Variants in AFDN observed in about 807,000 individuals in gnomAD.
AFDN encodes afadin.
Under a neutral mutation model 216.6 loss-of-function variants are expected in AFDN, and 68 were observed. That is an observed-to-expected ratio of 0.31 (90% CI 0.26 to 0.38). The LOEUF (loss-of-function observed/expected upper bound fraction) is 0.38, where lower values mean the gene tolerates loss of function less well. Among genes scored for constraint, AFDN ranks in the 10% least tolerant of loss-of-function variants. AFDN has a pLI of 1.00. For synonymous variants in AFDN, 868 were observed against 853.7 expected (o/e 1.02, Z -0.29); for missense variants, 2,136 against 2,342.0 (o/e 0.91, Z 1.82).
At chr6:167,934,484 TAG>T (rs1793730581) in intron 23 of AFDN, among the ~76,000 whole-genome samples, 1 of 152,180 alleles carries the variant, frequency 6.6e-6, no homozygotes, top group Non-Finnish European at 1.5e-5. Flanking sequence ...CTTATCTGAC[TAG>T]AAGTAAAGCA....
Position 167,951,491 on chromosome 6 carries a change from A to G in AFDN, c.4137A>G (p.Pro1379=), listed in dbSNP as rs777581695. 11 of 1,613,856 alleles carry G rather than the reference A, an allele frequency of 6.8e-6. No homozygotes were observed. In the Admixed American group the frequency reaches 1.7e-4, roughly 24 times the overall value. ...TDLPPPPPPP[P]VHYAGDFDGM... ...TGCCTCCGCCACCCCCGCCACCTCC[A>G]GTCCACTATGCCGGTGATTTCGATG... is the stretch of plus-strand genomic sequence containing the variant. Residue 1379 remains proline (P), a synonymous_variant, in exon 30 of 34, where the codon CCA becomes CCG. Transcript: ENST00000683244. This position sits in a 1 kb window ranked among gnomAD's most constrained non-coding sequence, Gnocchi z 7.1.
chr6:167,924,388 G>T (rs1367719807), intron 22 of AFDN, among the ~76,000 whole-genome samples: 1 of 152,162 alleles, frequency 6.6e-6, no homozygotes, highest in Non-Finnish European at 1.5e-5. Context: ...TCTGTCAGGA[G>T]CTGTCTTGCC....
intron 32 of AFDN, 31 bp from the exon 33 acceptor site, chr6:167,969,083 T>A: frequency 6.5e-7 from 1 of 1,531,992 alleles, no homozygotes; most frequent in Non-Finnish European, 9.0e-7. Flanking sequence ...AATCAGGTAC[T>A]TTAACTTGTA....
At chr6:167,890,326 T>G (rs1787405711) in intron 7 of AFDN, among the ~76,000 whole-genome samples, 2 of 152,224 alleles carry the variant, frequency 1.3e-5, no homozygotes, top group Admixed American at 1.3e-4. Flanking sequence ...TTAATAAAAA[T>G]CAGGTCAACT....
At chr6:167,939,984 A>G (rs953719516) in intron 23 of AFDN, among the ~76,000 whole-genome samples, 7 of 152,260 alleles carry the variant, frequency 4.6e-5, no homozygotes, top group Non-Finnish European at 8.8e-5. Flanking sequence ...TTTTAAATTT[A>G]TAAAAAGCTC....
At chr6:167,899,892 A>G (rs1788730998) in intron 11 of AFDN, among the ~76,000 whole-genome samples, 1 of 152,196 alleles carries the variant, frequency 6.6e-6, no homozygotes, top group Admixed American at 6.5e-5. Flanking sequence ...TATAAACACA[A>G]TTCTAGTAGC....
At chr6:167,856,209 G>A (rs1432613884) in intron 1 of AFDN, among the ~76,000 whole-genome samples, 1 of 152,152 alleles carries the variant, frequency 6.6e-6, no homozygotes, top group Non-Finnish European at 1.5e-5. Context: ...AAATGCAAGA[G>A]GGGTGATGCT....
chr6:167,946,821 A>C lies in AFDN; in HGVS notation c.3473A>C (p.Tyr1158Ser). ...AGTCCTCAGCTGCCTTGGGCAGAAT[A>C]TAGTGAACCAAAGAAATTGCCTGGT... ...PESPQLPWAE[Y>S]SEPKKLPGDD... The change falls in exon 27 of 34, where the codon TAT (tyrosine) becomes TCT (serine). Residue 1158 changes from tyrosine to serine, a missense_variant. Physicochemically the swap from Tyr to Ser is moderately radical, Grantham distance 144 (BLOSUM62 -2). Around this residue, in one of 8 missense-constraint regions of AFDN, gnomAD observed 981 missense variants for 966.0 expected, o/e 1.02. Transcript: ENST00000683244. 1 of 1,613,230 alleles carries C rather than the reference A, an allele frequency of 6.2e-7. No individual in the cohort carries two copies. The highest frequency in any genetic ancestry group is 8.5e-7 in the Non-Finnish European group (1 of 1,179,806).
At chr6:167,890,366 T>C (rs149979614) in intron 7 of AFDN, among the ~76,000 whole-genome samples, 3,361 of 152,308 alleles carry the variant, frequency 0.022, 59 homozygotes, top group Non-Finnish European at 0.033. Context: ...TTGTTAGTAA[T>C]AGAATTGTTG....
chr6:167,895,402 T>C (rs1048763221), intron 9 of AFDN, among the ~76,000 whole-genome samples: 4 of 152,208 alleles, frequency 2.6e-5, no homozygotes, highest in Admixed American at 6.5e-5. Context: ...TTTGATGTCT[T>C]GTTCAGATCA....
intron 6 of AFDN, among the ~76,000 whole-genome samples, chr6:167,888,463 T>C (rs1185214180): frequency 2.0e-5 from 3 of 152,222 alleles, no homozygotes; most frequent in Non-Finnish European, 4.4e-5. Flanking sequence ...GTTAGCAGTG[T>C]GTTAGAGTGA....
intron 2 of AFDN, among the ~76,000 whole-genome samples, chr6:167,868,219 T>C (rs1186718528): frequency 1.3e-5 from 2 of 152,140 alleles, no homozygotes; most frequent in African/African-American, 4.8e-5. Context: ...AGAGATAGTA[T>C]CTGTAAAAGG....
chr6:167,844,669 A>G (rs1425111303), intron 1 of AFDN, among the ~76,000 whole-genome samples: 2 of 152,110 alleles, frequency 1.3e-5, no homozygotes, highest in African/African-American at 4.8e-5. Flanking sequence ...CTACCAAGTT[A>G]TTATTCAAAA....
chr6:167,883,591 T>A (rs747444109), intron 6 of AFDN, among the ~76,000 whole-genome samples: 5 of 152,212 alleles, frequency 3.3e-5, no homozygotes, highest in Admixed American at 2.6e-4. Flanking sequence ...ACAGGAGTGT[T>A]TTGGTTTCCC....
chr6:167,848,218 G>C (rs1345783228), intron 1 of AFDN, among the ~76,000 whole-genome samples: 3 of 152,132 alleles, frequency 2.0e-5, no homozygotes, highest in Admixed American at 2.0e-4. Context: ...CATGTTCCAT[G>C]CCTAGCAGTG....
chr6:167,881,432 T>G (rs1786096565), intron 6 of AFDN, among the ~76,000 whole-genome samples: 1 of 152,168 alleles, frequency 6.6e-6, no homozygotes, highest in African/African-American at 2.4e-5. Flanking sequence ...GACAAGAGAT[T>G]AGTCTGTGGA....
At chr6:167,872,694 T>C (rs574932029) in intron 4 of AFDN, among the ~76,000 whole-genome samples, 1 of 152,332 alleles carries the variant, frequency 6.6e-6, no homozygotes, top group Admixed American at 6.5e-5. Flanking sequence ...TTTTTCCTCA[T>C]TTCTGTGGTT....
chr6:167,946,026 C>G (rs1182160447), intron 26 of AFDN, among the ~76,000 whole-genome samples: 1 of 152,212 alleles, frequency 6.6e-6, no homozygotes, highest in Non-Finnish European at 1.5e-5. Context: ...GCCAAGGCAT[C>G]AGAGAACGTG....
chr6:167,952,355 GAGTC>G, intron 30 of AFDN, 168 bp downstream of exon 30: 1 of 1,501,630 alleles, frequency 6.7e-7, no homozygotes, highest in Non-Finnish European at 8.9e-7. Context: ...GTAGAGAAAT[GAGTC>G]AGGCCTATAA....
Sources: gnomAD v4.1 joint callset for allele counts (sites outside exome capture counted in the v4.1 genomes callset) on GRCh38, gnomAD v4.1.1 for gene constraint, gnomAD v4.1.1 regional missense constraint, Gnocchi (gnomAD v3.1) non-coding constraint, MANE v1.5 for transcripts, NCBI Gene and HGNC (gene_info 2026-07-23, HGNC 2026-07-21) for gene names.